The following ERAP1 variants were observed in gnomAD, a reference collection of about 807,000 sequenced individuals.
The protein encoded by ERAP1 is endoplasmic reticulum aminopeptidase 1, also known as adipocyte-derived leucine aminopeptidase.
ERAP1 carries 86 observed loss-of-function variants against 103.7 expected under a neutral mutation model. The ratio of observed to expected loss-of-function variants is 0.83; its 90% CI spans 0.70 to 0.99. ERAP1 has a LOEUF of 0.99. Ranked by LOEUF, ERAP1 falls within the 50% of genes least tolerant of loss-of-function variation. The pLI is 0.00. For missense variants in ERAP1, 1,009 were observed against 1,128.4 expected, an observed-to-expected ratio of 0.89 and a Z score of 1.52; for synonymous variants, 398 against 402.4, an observed-to-expected ratio of 0.99 and a Z score of 0.13.
chr5:96,874,328 C>T, the ERAP1 span, among the ~76,000 whole-genome samples: 1 of 152,190 alleles, frequency 6.6e-6, no homozygotes, highest in Non-Finnish European at 1.5e-5. Context: ...CTTCATTCTC[C>T]ATCACCACTT....
chr5:96,845,063 C>T, the ERAP1 span, among the ~76,000 whole-genome samples: 6 of 151,860 alleles, frequency 4.0e-5, no homozygotes, highest in South Asian at 8.3e-4. Flanking sequence ...ATGTTTAATA[C>T]GATAAACTAT....
the ERAP1 span, chr5:96,886,735 C>T: frequency 6.5e-7 from 1 of 1,538,806 alleles, no homozygotes; most frequent in Non-Finnish European, 8.9e-7. Context: ...ACCTTGTAGC[C>T]TACATAGTTT....
rs1449347194 is a variant in ERAP1, at chr5:96,774,580, A to G, written c.*1816T>C. 5 of 985,516 alleles carry G rather than the reference A, an allele frequency of 5.1e-6. No individual in the cohort carries two copies. Among genetic ancestry groups the G allele is most frequent in the Non-Finnish European group, 6.0e-6 (5 of 829,848 alleles). The allele number at this position is 985,516 out of a possible 1,614,324, so 61.0% of individuals were successfully genotyped here. On this transcript the variant is annotated 3_prime_UTR_variant, in exon 19 of 19. Transcript: ENST00000443439. The stretch of plus-strand genomic sequence containing the variant: ...TAGAAAATGGGCTTTTCCAAAAGCA[A>G]ACAAAGATAGGTTCCTCAGGTGACC...
the ERAP1 span, among the ~76,000 whole-genome samples, chr5:96,923,181 T>C: frequency 6.6e-6 from 1 of 152,260 alleles, no homozygotes; most frequent in Admixed American, 6.5e-5. Context: ...GGTCTCACTA[T>C]GTTTTCCACA....
chr5:96,882,169 A>C, the ERAP1 span, among the ~76,000 whole-genome samples: 1 of 152,156 alleles, frequency 6.6e-6, no homozygotes, highest in Non-Finnish European at 1.5e-5. Flanking sequence ...CAGGCTCAGC[A>C]CAGTATTGGA....
the ERAP1 span, chr5:96,935,095 C>G: frequency 6.6e-6 from 1 of 152,382 alleles, no homozygotes; most frequent in Non-Finnish European, 1.5e-5. Context: ...GCAGGGGCGA[C>G]TAGGGGAGTT....
At chr5:96,834,175 A>G in the ERAP1 span, among the ~76,000 whole-genome samples, 8 of 152,222 alleles carry the variant, frequency 5.3e-5, no homozygotes, top group African/African-American at 9.6e-5. Flanking sequence ...TTCAGTAAAG[A>G]AAAATGTTTT....
upstream of ERAP1, among the ~76,000 whole-genome samples, chr5:96,809,593 A>G (rs935814209): frequency 3.3e-5 from 5 of 152,152 alleles, no homozygotes; most frequent in Admixed American, 1.3e-4. Context: ...TAATATAAAG[A>G]TTAACACCCT....
intron 1 of ERAP1, among the ~76,000 whole-genome samples, chr5:96,806,988 T>TC (rs372765819): frequency 0.63 from 95,869 of 151,554 alleles, 31,031 homozygotes; most frequent in Non-Finnish European, 0.72. Flanking sequence ...TTTGTTTTGT[T>TC]GTTTTGTTAA....
At chr5:96,845,693 G>A in the ERAP1 span, among the ~76,000 whole-genome samples, 1 of 145,876 alleles carries the variant, frequency 6.9e-6, no homozygotes, top group Non-Finnish European at 1.5e-5. Flanking sequence ...CTCATATTCT[G>A]CAATTTCCTG....
the ERAP1 span, among the ~76,000 whole-genome samples, chr5:96,928,510 G>A: frequency 1.3e-5 from 2 of 152,156 alleles, no homozygotes; most frequent in African/African-American, 4.8e-5. Flanking sequence ...CTTGCCACAA[G>A]CCTAGGGACT....
chr5:96,771,614 G>A (rs1264955614), downstream of ERAP1: 2 of 1,596,402 alleles, frequency 1.3e-6, no homozygotes, highest in African/African-American at 1.3e-5. Flanking sequence ...AGAAAAGAAA[G>A]CTCACGGATG....
chr5:96,900,023 A>G, the ERAP1 span: 1 of 1,367,594 alleles, frequency 7.3e-7, no homozygotes, highest in Non-Finnish European at 1.0e-6. Context: ...ATTATTTCAT[A>G]TAGCTCTTTT....
At chr5:96,838,483 A>G in the ERAP1 span, among the ~76,000 whole-genome samples, 108,380 of 152,142 alleles carry the variant, frequency 0.71, 39,678 homozygotes, top group Non-Finnish European at 0.8. Context: ...TGTAATAGAT[A>G]TAATAGTACA....
At chr5:96,920,336 A>C in the ERAP1 span, among the ~76,000 whole-genome samples, 2 of 150,760 alleles carry the variant, frequency 1.3e-5, no homozygotes, top group South Asian at 4.2e-4. Context: ...TCTAACTGCC[A>C]TGGTAAGGAT....
the ERAP1 span, among the ~76,000 whole-genome samples, chr5:96,830,520 G>C: frequency 6.6e-6 from 1 of 152,094 alleles, no homozygotes; most frequent in African/African-American, 2.4e-5. Context: ...CATATGATTG[G>C]ACACTATAGA....
the ERAP1 span, among the ~76,000 whole-genome samples, chr5:96,822,476 A>G: frequency 6.6e-6 from 1 of 152,230 alleles, no homozygotes; most frequent in Non-Finnish European, 1.5e-5. Context: ...ATAAAGTATA[A>G]TTCCAAATGT....
the ERAP1 span, among the ~76,000 whole-genome samples, chr5:96,815,112 T>C: frequency 3.3e-5 from 5 of 152,190 alleles, no homozygotes; most frequent in African/African-American, 1.2e-4. Flanking sequence ...GACTGAGTGG[T>C]TGGATCAGCC....
In ERAP1 at chr5:96,800,947, C is replaced by A; in HGVS notation, c.578G>T (p.Cys193Phe). 1.2e-6 allele frequency: 2 copies of A among 1,614,136 alleles called. No homozygotes were observed. Among genetic ancestry groups the A allele is most frequent in the Non-Finnish European group, 1.7e-6 (2 of 1,180,028 alleles). The change falls in exon 3 of 19, where the codon TGC becomes TTC. Residue 193 changes from cysteine to phenylalanine, a missense_variant. By Grantham distance (205) the Cys-to-Phe change is radical. Coordinates refer to ENST00000443439, the MANE Select transcript of ERAP1 (RefSeq NM_001040458.3). The stretch of plus-strand genomic sequence containing the variant: ...TGCTTTGAAGGCAGGTTCATCAAAG[C>A]AGGGAAAGGCCATTCTAGCTGCAGT... ...EPTAARMAFP[C>F]FDEPAFKASF...
Sources: allele counts gnomAD v4.1 joint callset (sites outside exome capture counted in the v4.1 genomes callset), GRCh38; gene constraint gnomAD v4.1.1; transcripts MANE v1.5; gene names NCBI Gene and HGNC (gene_info 2026-07-23, HGNC 2026-07-21).